The following PPM1B variants were observed in gnomAD, a reference collection of about 807,000 sequenced individuals.
The protein encoded by PPM1B is protein phosphatase 1B.
PPM1B carries 22 observed loss-of-function variants against 43.0 expected under a neutral mutation model. The observed-to-expected ratio is 0.51, with a 90% CI of 0.37 to 0.73. The LOEUF (loss-of-function observed/expected upper bound fraction) is 0.73. Ranked by LOEUF, PPM1B falls within the 30% of genes least tolerant of loss-of-function variation. The probability of loss-of-function intolerance (pLI) is 0.00; values close to 1 mark genes in which losing one functional copy is unlikely to be tolerated. For missense variants in PPM1B, 632 were observed against 584.2 expected, an observed-to-expected ratio of 1.08 and a Z score of -0.84; for synonymous variants, 217 against 197.9, an observed-to-expected ratio of 1.10 and a Z score of -0.81.
intron 1 of PPM1B, among the ~76,000 whole-genome samples, chr2:44,193,273 G>A (rs560368224): frequency 6.6e-6 from 1 of 152,266 alleles, no homozygotes; most frequent in East Asian, 1.9e-4. Context: ...GAGATGATAT[G>A]TCATTGTGCC....
chr2:44,193,254 G>C (rs1476902369), intron 1 of PPM1B, among the ~76,000 whole-genome samples: 1 of 152,158 alleles, frequency 6.6e-6, no homozygotes, highest in Non-Finnish European at 1.5e-5. Context: ...TAGCCATTCT[G>C]ACAGGTGTGA....
At chr2:44,177,156 G>C (rs1465089850) in intron 1 of PPM1B, among the ~76,000 whole-genome samples, 1 of 151,994 alleles carries the variant, frequency 6.6e-6, no homozygotes, top group African/African-American at 2.4e-5. Context: ...TTGAAATTTT[G>C]GAATATATTA....
downstream of PPM1B, among the ~76,000 whole-genome samples, chr2:44,236,795 A>G (rs1008484412): frequency 1.3e-5 from 2 of 152,216 alleles, no homozygotes; most frequent in Non-Finnish European, 2.9e-5. Context: ...TATTTTTTAA[A>G]TGACATCTCA....
Position 44,180,049 on chromosome 2 carries a change from TC to T in PPM1B, c.-15+10776del, listed in dbSNP as rs1020338401. 6.8e-3 allele frequency among the ~76,000 whole-genome samples: 399 copies of T among 58,630 alleles called. 3 individuals are homozygous for T. Among genetic ancestry groups the T allele is most frequent in the African/African-American group, 0.019 (378 of 20,052 alleles). The allele number at this position is 58,630 out of a possible 152,430, so 38.5% of individuals were successfully genotyped here. On this transcript the variant is annotated intron_variant, in intron 1 of 5. Transcript: ENST00000282412. ...AAAAAGACTTTAACCTCAAGTCAAC[TC>T]TTAAAATATTCCCCAAAATGTGTAT...
intron 2 of PPM1B, among the ~76,000 whole-genome samples, chr2:44,207,552 A>T (rs1038054172): frequency 6.6e-6 from 1 of 152,036 alleles, no homozygotes; most frequent in Non-Finnish European, 1.5e-5. Flanking sequence ...ACATAATCTC[A>T]TGGTACTAGA....
chr2:44,198,975 A>C (rs6735310), intron 1 of PPM1B, among the ~76,000 whole-genome samples: 139,969 of 152,164 alleles, frequency 0.92, 64,512 homozygotes, highest in East Asian at 1. Context: ...AGAAATGGTC[A>C]TGGCCGGGCG....
chr2:44,214,111 G>T (rs747193320), intron 3 of PPM1B, among the ~76,000 whole-genome samples: 3 of 152,046 alleles, frequency 2.0e-5, no homozygotes, highest in East Asian at 1.9e-4. Context: ...ACAGAGTCTC[G>T]CACTGTCACC....
intron 1 of PPM1B, among the ~76,000 whole-genome samples, chr2:44,181,902 A>C (rs1667891496): frequency 6.6e-6 from 1 of 152,256 alleles, no homozygotes; most frequent in African/African-American, 2.4e-5. Context: ...TTATCTTGGG[A>C]CCCCACTTCC....
chr2:44,192,286 C>T (rs1013574764), intron 1 of PPM1B, among the ~76,000 whole-genome samples: 1 of 151,914 alleles, frequency 6.6e-6, no homozygotes, highest in South Asian at 2.1e-4. Context: ...GGCACGATCT[C>T]GGCTCACTGC....
Position 44,230,010 on chromosome 2 carries a change from C to G in PPM1B, c.1135-403C>G, listed in dbSNP as rs1201881026. On this transcript the variant is annotated intron_variant, in intron 5 of 5. Coordinates refer to ENST00000282412, the MANE Select transcript of PPM1B (RefSeq NM_002706.6). ...TTATTTAGCAGAAATGATGAAGAAACTGTTCTGATGGCCTGCTTTTCTGTC... is the reference window on the plus strand; with the variant it reads ...TTATTTAGCAGAAATGATGAAGAAAGTGTTCTGATGGCCTGCTTTTCTGTC... 5 of 1,591,338 alleles carry G rather than the reference C, an allele frequency of 3.1e-6. No homozygotes were observed. In the African/African-American group the frequency reaches 5.4e-5, roughly 17 times the overall value.
downstream of PPM1B, among the ~76,000 whole-genome samples, chr2:44,238,530 C>T (rs1425838949): frequency 9.2e-5 from 14 of 151,766 alleles, no homozygotes; most frequent in Non-Finnish European, 2.1e-4. Context: ...GGTGAAACCC[C>T]GTCTCTACTA....
intron 5 of PPM1B, among the ~76,000 whole-genome samples, chr2:44,243,324 T>G (rs1670790642): frequency 6.6e-6 from 1 of 152,196 alleles, no homozygotes; most frequent in African/African-American, 2.4e-5. Context: ...AATTGAAAAT[T>G]TACATACAGT....
chr2:44,215,757 A>G (rs373964137), intron 3 of PPM1B, among the ~76,000 whole-genome samples: 14 of 152,354 alleles, frequency 9.2e-5, no homozygotes, highest in African/African-American at 3.4e-4. Flanking sequence ...AGGATATAGC[A>G]GAAAAAGAAA....
intron 1 of PPM1B, among the ~76,000 whole-genome samples, chr2:44,191,503 CG>C (rs1668403326): frequency 6.6e-6 from 1 of 152,166 alleles, no homozygotes; most frequent in Non-Finnish European, 1.5e-5. Flanking sequence ...CGTGAGCCAC[CG>C]CTCCCAGCTT....
At chr2:44,232,826 A>G (rs954721460), downstream of PPM1B, 15 of 975,506 alleles carry the variant, frequency 1.5e-5, no homozygotes, top group Admixed American at 6.2e-5. Flanking sequence ...CATTTGAGCA[A>G]TTTCTATAGG....
chr2:44,187,958 G>C (rs1340753486), intron 1 of PPM1B, among the ~76,000 whole-genome samples: 1 of 152,084 alleles, frequency 6.6e-6, no homozygotes, highest in Admixed American at 6.6e-5. Flanking sequence ...CACCATGTTA[G>C]CCAGGATGGT....
intron 5 of PPM1B, chr2:44,218,816 C>A: frequency 2.2e-6 from 1 of 457,398 alleles, no homozygotes; most frequent in South Asian, 1.7e-5. Context: ...GTCTGCTTTT[C>A]CTTCTTCTCC....
chr2:44,208,340 A>G (rs1001229312), intron 2 of PPM1B, among the ~76,000 whole-genome samples: 2 of 152,262 alleles, frequency 1.3e-5, no homozygotes, highest in African/African-American at 4.8e-5. Context: ...TTTAAAAGTT[A>G]TCACATGACT....
downstream of PPM1B, among the ~76,000 whole-genome samples, chr2:44,235,916 C>G (rs544680366): frequency 1.5e-4 from 23 of 151,646 alleles, no homozygotes; most frequent in African/African-American, 5.6e-4. Flanking sequence ...ATATATGTCT[C>G]TTTTATATTA....
Sources: allele counts gnomAD v4.1 joint callset (sites outside exome capture counted in the v4.1 genomes callset), GRCh38; gene constraint gnomAD v4.1.1; transcripts MANE v1.5; gene names NCBI Gene and HGNC (gene_info 2026-07-23, HGNC 2026-07-21).